The following BDP1 variants were observed in gnomAD, a reference collection of about 807,000 sequenced individuals.
The protein encoded by BDP1 is transcription factor TFIIIB component B'' homolog.
BDP1 carries 169 observed loss-of-function variants against 266.6 expected under a neutral mutation model. That is an observed-to-expected ratio of 0.63 (90% CI 0.56 to 0.72). BDP1 has a LOEUF of 0.72. BDP1 is among the 30% of genes least tolerant of loss of function. The pLI is 0.00. For missense variants in BDP1, 3,015 were observed against 3,053.8 expected, an observed-to-expected ratio of 0.99 and a Z score of 0.30; for synonymous variants, 1,090 against 1,022.4, an observed-to-expected ratio of 1.07 and a Z score of -1.26.
chr5:71,468,737 G>C (rs1248691967), intron 6 of BDP1, among the ~76,000 whole-genome samples: 4 of 151,570 alleles, frequency 2.6e-5, no homozygotes, highest in Non-Finnish European at 5.9e-5. Context: ...CTCCCGAGCA[G>C]CTGGGATTAC....
the BDP1 span, among the ~76,000 whole-genome samples, chr5:71,574,757 T>C: frequency 6.6e-6 from 1 of 152,250 alleles, no homozygotes; most frequent in Non-Finnish European, 1.5e-5. Context: ...AATTATTGCT[T>C]ATTCCCTGCA....
At position 71,541,440 on chromosome 5, in the gene BDP1, T is replaced by G. The variant is rs1320839278; in HGVS notation, c.6023-14T>G. The G allele has an allele frequency of 9.4e-7, 1 of 1,062,904 alleles. No individual in the cohort carries two copies. Among genetic ancestry groups the G allele is most frequent in the Non-Finnish European group, 1.3e-6 (1 of 768,086 alleles). The allele number at this position is 1,062,904 out of a possible 1,614,324, so 65.8% of individuals were successfully genotyped here. A position where few individuals can be genotyped will look rare whatever the true frequency, so the allele number is the denominator to read the frequency against. ...TTGGTCCATTTTAATTTTGTTTTTTTTTTTTTTCTTCAGTAGGAGTATGTA... is the reference window on the plus strand; with the variant it reads ...TTGGTCCATTTTAATTTTGTTTTTTGTTTTTTTCTTCAGTAGGAGTATGTA... On this transcript the variant is annotated splice_polypyrimidine_tract_variant and intron_variant, in intron 28 of 38. Coordinates refer to ENST00000358731, the MANE Select transcript of BDP1 (RefSeq NM_018429.3).
chr5:71,540,323 C>T (rs1325594550), intron 28 of BDP1, among the ~76,000 whole-genome samples: 1 of 151,830 alleles, frequency 6.6e-6, no homozygotes, highest in African/African-American at 2.4e-5. Context: ...AGTAGCCTAC[C>T]ATTCATCTTA....
At chr5:71,502,150 C>T (rs1421731924) in intron 14 of BDP1, among the ~76,000 whole-genome samples, 1 of 148,690 alleles carries the variant, frequency 6.7e-6, no homozygotes, top group African/African-American at 2.5e-5. Context: ...AGTGCTTTTT[C>T]AAGAGGGCTT....
chr5:71,517,234 A>T, intron 21 of BDP1, 88 bp from the exon 22 acceptor site: 1 of 1,149,976 alleles, frequency 8.7e-7, no homozygotes. Context: ...AAGGGATTTT[A>T]AAAAACTAAA....
In BDP1 at chr5:71,510,398, A is replaced by G; in HGVS notation, c.3306A>G (p.Glu1102=). 1 of 1,614,088 alleles carries G rather than the reference A, an allele frequency of 6.2e-7. No individual in the cohort carries two copies. The highest frequency in any genetic ancestry group is 1.1e-5 in the South Asian group (1 of 91,074). Residue 1102 remains glutamate, a synonymous_variant, in exon 17 of 39, where the codon GAA becomes GAG. Coordinates refer to ENST00000358731, the MANE Select transcript of BDP1 (RefSeq NM_018429.3). ...CTGAAAGAGAAATATCCCCACAGGAAAATGGCCTAGAGGAGGTTAAGCCTC... is the reference window on the plus strand; with the variant it reads ...CTGAAAGAGAAATATCCCCACAGGAGAATGGCCTAGAGGAGGTTAAGCCTC... ...EETEREISPQ[E]NGLEEVKPLG...
chr5:71,553,393 AT>A lies in BDP1; in HGVS notation c.7200+79del, dbSNP rs1268610638. 76 of 1,020,210 alleles carry A rather than the reference AT, an allele frequency of 7.4e-5. 4 individuals carry two copies. The South Asian group carries it at 1.1e-3, about 15-fold the overall frequency. The allele number at this position is 1,020,210 out of a possible 1,614,324, so 63.2% of individuals were successfully genotyped here. A position where few individuals can be genotyped will look rare whatever the true frequency, so the allele number is the denominator to read the frequency against. Reference sequence around the variant, plus strand: ...GCCATATTGCAACAGATCTGTTCCTATTTTTTCCTTTATTCTCTTTAAACTT... The same window carrying A: ...GCCATATTGCAACAGATCTGTTCCTATTTTTCCTTTATTCTCTTTAAACTT... On this transcript the variant is annotated intron_variant, in intron 35 of 38. Transcript: ENST00000358731.
At chr5:71,503,823 T>C (rs1174838780) in intron 15 of BDP1, among the ~76,000 whole-genome samples, 1 of 151,956 alleles carries the variant, frequency 6.6e-6, no homozygotes, top group Non-Finnish European at 1.5e-5. Context: ...TTTTTTTAAT[T>C]AGCTGGGCTT....
intron 7 of BDP1, among the ~76,000 whole-genome samples, chr5:71,479,379 G>T (rs1762797160): frequency 6.6e-6 from 1 of 151,896 alleles, no homozygotes; most frequent in Non-Finnish European, 1.5e-5. Context: ...TTTCTCTGCT[G>T]AGATTTCCCC....
intron 19 of BDP1, 60 bp from the exon 20 acceptor site, chr5:71,514,884 A>G (rs1266038655): frequency 8.2e-7 from 1 of 1,220,660 alleles, no homozygotes; most frequent in Non-Finnish European, 1.1e-6. Context: ...TATACTTGTA[A>G]AGTTCTTATT....
chr5:71,573,432 C>T, the BDP1 span, among the ~76,000 whole-genome samples: 1 of 152,054 alleles, frequency 6.6e-6, no homozygotes, highest in Non-Finnish European at 1.5e-5. Flanking sequence ...TCCATAAGAC[C>T]TGATCCAAAT....
At chr5:71,490,841 A>C in intron 10 of BDP1, 143 bp from the exon 11 acceptor site, 1 of 743,392 alleles carries the variant, frequency 1.3e-6, no homozygotes, top group Non-Finnish European at 2.0e-6. Context: ...TGGTCTAAAA[A>C]TAAGATGTGT....
intron 9 of BDP1, among the ~76,000 whole-genome samples, chr5:71,489,072 C>T (rs1763434116): frequency 2.0e-5 from 3 of 152,124 alleles, no homozygotes. Flanking sequence ...GGATGAAACC[C>T]AGTGTAAGTC....
At chr5:71,459,772 C>A (rs1761428189) in intron 2 of BDP1, among the ~76,000 whole-genome samples, 1 of 152,098 alleles carries the variant, frequency 6.6e-6, no homozygotes, top group Non-Finnish European at 1.5e-5. Context: ...TAATCTATTT[C>A]CTCATCTGTA....
intron 30 of BDP1, 132 bp downstream of exon 30, chr5:71,542,397 G>A (rs1767023644): frequency 2.4e-6 from 2 of 850,034 alleles, no homozygotes; most frequent in African/African-American, 1.8e-5. Context: ...AAAGTAAGAC[G>A]AGCTATAAAA....
intron 10 of BDP1, among the ~76,000 whole-genome samples, chr5:71,490,538 GGTTAAT>G (rs1763525805): frequency 6.6e-6 from 1 of 152,082 alleles, no homozygotes; most frequent in African/African-American, 2.4e-5. Flanking sequence ...TTCTCTATGA[GGTTAAT>G]GTTAATATAT....
Position 71,560,187 on chromosome 5 carries a change from G to A in BDP1, c.7446G>A (p.Lys2482=), listed in dbSNP as rs1743531721. ...DKEERTDAAP[K]SQQMDSRTSS... ...AAGAAAGAACTGATGCTGCTCCTAA[G>A]TCTCAGCAAATGGATAGCAGAACAT... Residue 2482 remains lysine (K), a synonymous_variant, in exon 37 of 39, where the codon AAG becomes AAA. Coordinates refer to ENST00000358731, the MANE Select transcript of BDP1 (RefSeq NM_018429.3). The A allele has an allele frequency of 1.2e-6, 2 of 1,614,032 alleles. No individual in the cohort carries two copies. The highest frequency in any genetic ancestry group is 1.7e-6 in the Non-Finnish European group (2 of 1,180,030).
the BDP1 span, among the ~76,000 whole-genome samples, chr5:71,574,265 C>T: frequency 6.6e-6 from 1 of 152,172 alleles, no homozygotes; most frequent in African/African-American, 2.4e-5. Flanking sequence ...GTTCCTCCCC[C>T]AGCAGAAAAA....
At chr5:71,473,727 G>A (rs537707258) in intron 7 of BDP1, among the ~76,000 whole-genome samples, 198 of 151,888 alleles carry the variant, frequency 1.3e-3, no homozygotes, top group African/African-American at 4.7e-3. Flanking sequence ...TGTGCACAAC[G>A]TGCAGATTTG....
Sources: gnomAD v4.1 joint callset for allele counts (sites outside exome capture counted in the v4.1 genomes callset) on GRCh38, gnomAD v4.1.1 for gene constraint, MANE v1.5 for transcripts, NCBI Gene and HGNC (gene_info 2026-07-23, HGNC 2026-07-21) for gene names.